Variants in PLOD1 observed in about 807,000 individuals in gnomAD.
The protein encoded by PLOD1 is lysine hydroxylase.
A neutral mutation model predicts 94.7 loss-of-function variants in PLOD1; 70 were observed. The observed-to-expected ratio is 0.74, with a 90% confidence interval of 0.61 to 0.90. The LOEUF (loss-of-function observed/expected upper bound fraction) is 0.90, where lower values mean the gene tolerates loss of function less well. PLOD1 is among the 40% of genes least tolerant of loss of function. The probability of loss-of-function intolerance (pLI) is 0.00; values close to 1 mark genes in which losing one functional copy is unlikely to be tolerated. For synonymous variants in PLOD1, 417 were observed against 400.2 expected, an observed-to-expected ratio of 1.04 and a Z score of -0.50; for missense variants, 905 against 972.7, an observed-to-expected ratio of 0.93 and a Z score of 0.93.
chr1:11,943,286 C>CTTTT (rs972022344), intron 1 of PLOD1, among the ~76,000 whole-genome samples: 22 of 134,400 alleles, frequency 1.6e-4, no homozygotes, highest in East Asian at 1.1e-3. Flanking sequence ...CCGTGCCCGG[C>CTTTT]TTTTTTTTTC....
At chr1:11,970,868 C>A in intron 17 of PLOD1, 52 bp downstream of exon 17, 4 of 1,399,480 alleles carry the variant, frequency 2.9e-6, no homozygotes, top group Non-Finnish European at 3.8e-6. Flanking sequence ...GGTGGGGTGT[C>A]AGTGGAGTGG....
chr1:11,957,050 G>A lies in PLOD1; in HGVS notation c.741+36G>A. The A allele has an allele frequency of 1.5e-6, 2 of 1,348,658 alleles. No homozygotes were observed. The highest frequency in any genetic ancestry group is 1.2e-5 in the South Asian group (1 of 85,720). 83.5% of individuals were successfully genotyped at this position (1,348,658 alleles called of 1,614,324 possible). ...CCCAGCCCCTGGGGAGTGTGGGAGG[G>A]GGCCAGAGCCCTAATTTCATTCTCA... is the stretch of plus-strand genomic sequence containing the variant. On this transcript the variant is annotated intron_variant, in intron 7 of 18. Coordinates refer to ENST00000196061, the MANE Select transcript of PLOD1 (RefSeq NM_000302.4). This position sits in a 1 kb window ranked among gnomAD's most constrained non-coding sequence, Gnocchi z 4.1.
chr1:11,974,568 C>T (rs192298488), intron 18 of PLOD1, 85 bp from the exon 19 acceptor site: 171 of 1,376,300 alleles, frequency 1.2e-4, no homozygotes, highest in Non-Finnish European at 1.7e-4. Context: ...CTGAGGGCCA[C>T]TTGGCCATGA....
chr1:11,956,898 T>C lies in PLOD1; in HGVS notation c.644-19T>C, dbSNP rs1645741629. The stretch of plus-strand genomic sequence containing the variant: ...CTCTGGGTCTGATGCTGGGTGGGAC[T>C]GTGCTTTCTGACCCCCAGATGAGGT... On this transcript the variant is annotated intron_variant, in intron 6 of 18. Coordinates refer to ENST00000196061, the MANE Select transcript of PLOD1 (RefSeq NM_000302.4). 2.5e-6 allele frequency: 4 copies of C among 1,570,948 alleles called. No homozygotes were observed. Among genetic ancestry groups the C allele is most frequent in the Non-Finnish European group, 3.5e-6 (4 of 1,140,768 alleles).
At chr1:11,959,885 C>T (rs1008006078) in intron 9 of PLOD1, among the ~76,000 whole-genome samples, 6 of 150,326 alleles carry the variant, frequency 4.0e-5, no homozygotes, top group Admixed American at 2.7e-4. Flanking sequence ...CAAAGTGCTG[C>T]GATTACAGCC....
intron 16 of PLOD1, among the ~76,000 whole-genome samples, chr1:11,969,832 C>T (rs765944194): frequency 4.6e-5 from 7 of 152,288 alleles, no homozygotes; most frequent in African/African-American, 1.2e-4. Flanking sequence ...TTTAGCCAGG[C>T]GCAGTGGTTC....
At chr1:11,952,031 A>G (rs952806795) in intron 4 of PLOD1, among the ~76,000 whole-genome samples, 5 of 152,246 alleles carry the variant, frequency 3.3e-5, no homozygotes, top group African/African-American at 9.6e-5. Flanking sequence ...GGGATCTGCC[A>G]TCTGCCCTCA....
At position 11,965,572 on chromosome 1, in the gene PLOD1, G is replaced by A; in HGVS notation, c.1563G>A (p.Trp521Ter). 4 of 1,612,822 alleles carry A rather than the reference G, an allele frequency of 2.5e-6. No individual in the cohort carries two copies. The highest frequency in any genetic ancestry group is 2.5e-6 in the Non-Finnish European group (3 of 1,179,076). ...CCACCCACCTGCACAACGACCTCTG[G>A]GAGGTGTTCAGCAACCCCGAGGTGA... ...YRTTHLHNDL[W>*]EVFSNPEDWK... Residue 521 changes from tryptophan (W) to a stop codon, truncating the protein, a stop_gained, in exon 14 of 19, where the codon TGG becomes TGA. Transcript: ENST00000196061. LOFTEE classifies it high-confidence loss of function.
chr1:11,945,964 C>T (rs1645651211), intron 1 of PLOD1, among the ~76,000 whole-genome samples: 1 of 152,190 alleles, frequency 6.6e-6, no homozygotes, highest in South Asian at 2.1e-4. Context: ...CTGCCTCAGC[C>T]TCCCAAAGTG....
intron 5 of PLOD1, among the ~76,000 whole-genome samples, chr1:11,953,807 T>C (rs1302933246): frequency 6.6e-6 from 1 of 151,618 alleles, no homozygotes; most frequent in Admixed American, 6.6e-5. Flanking sequence ...AAAAAAGCAA[T>C]AATGATAATA....
At chr1:11,943,292 T>TTTC (rs1645627316) in intron 1 of PLOD1, among the ~76,000 whole-genome samples, 3 of 138,162 alleles carry the variant, frequency 2.2e-5, no homozygotes, top group South Asian at 2.2e-4. Context: ...CCGGCTTTTT[T>TTTC]TTTCTTTCTT....
At chr1:11,946,960 C>T (rs968257460) in intron 1 of PLOD1, among the ~76,000 whole-genome samples, 1 of 152,130 alleles carries the variant, frequency 6.6e-6, no homozygotes, top group African/African-American at 2.4e-5. Context: ...GGAGGAAGTG[C>T]AAGGCTCTTT....
In PLOD1 at chr1:11,975,163, G is replaced by A; in HGVS notation, c.*355G>A. On this transcript the variant is annotated 3_prime_UTR_variant, in exon 19 of 19. Transcript: ENST00000196061. The stretch of plus-strand genomic sequence containing the variant: ...TTGAGCAGAACAGGGGCTTCCCCAA[G>A]TTGCCCAGAAAGACTGTCTGGGTGA... 1 of 353,828 alleles carries A rather than the reference G, an allele frequency of 2.8e-6. No individual in the cohort carries two copies. Among genetic ancestry groups the A allele is most frequent in the Non-Finnish European group, 5.5e-6 (1 of 183,038 alleles). The allele number at this position is 353,828 out of a possible 1,614,324, so 21.9% of individuals were successfully genotyped here. A position where few individuals can be genotyped will look rare whatever the true frequency, so the allele number is the denominator to read the frequency against.
chr1:11,950,547 G>C (rs1441311816), intron 4 of PLOD1, 27 bp downstream of exon 4: 1 of 1,610,538 alleles, frequency 6.2e-7, no homozygotes, highest in South Asian at 1.1e-5. Flanking sequence ...CAGGGCGCTT[G>C]GCCCAGCAGA....
intron 4 of PLOD1, 89 bp downstream of exon 4, chr1:11,950,609 G>C: frequency 8.2e-7 from 1 of 1,221,144 alleles, no homozygotes; most frequent in South Asian, 1.2e-5. Context: ...CGTGCAATCT[G>C]GGTGTCTCAC....
At chr1:11,969,225 G>A (rs1230539738) in intron 16 of PLOD1, among the ~76,000 whole-genome samples, 1 of 152,002 alleles carries the variant, frequency 6.6e-6, no homozygotes, top group African/African-American at 2.4e-5. Context: ...CTGACCTCCG[G>A]TGATCCACCC....
At chr1:11,939,128 C>T (rs2100733475) in intron 1 of PLOD1, among the ~76,000 whole-genome samples, 1 of 152,256 alleles carries the variant, frequency 6.6e-6, no homozygotes, top group Non-Finnish European at 1.5e-5. Context: ...CTGCAGAGAT[C>T]AGAGGCTCAG....
chr1:11,963,934 C>G lies in PLOD1; in HGVS notation c.1203-241C>G, dbSNP rs951362903. Among the ~76,000 whole-genome samples, 3 of 152,096 alleles carry G rather than the reference C, an allele frequency of 2.0e-5. No individual in the cohort carries two copies. The highest frequency in any genetic ancestry group is 7.2e-5 in the African/African-American group (3 of 41,412). On this transcript the variant is annotated intron_variant, in intron 11 of 18. Transcript: ENST00000196061. The surrounding 1 kb of genome is among the most constrained non-coding windows in gnomAD (Gnocchi z 4.3). ...AGAGCTGTGGATCCCCAGCCTGATA[C>G]CCCAGGTTCTGATAGAGAAGGTGTC...
chr1:11,947,346 G>A (rs190802876), intron 1 of PLOD1, among the ~76,000 whole-genome samples: 16 of 152,082 alleles, frequency 1.1e-4, no homozygotes, highest in African/African-American at 3.6e-4. Flanking sequence ...GGCTGAAGCA[G>A]ATCACCAGAG....
Sources: gnomAD v4.1 joint callset for allele counts (sites outside exome capture counted in the v4.1 genomes callset) on GRCh38, gnomAD v4.1.1 for gene constraint, Gnocchi (gnomAD v3.1) non-coding constraint, MANE v1.5 for transcripts, NCBI Gene and HGNC (gene_info 2026-07-23, HGNC 2026-07-21) for gene names.